BTC: variants seen among roughly 807,000 people sequenced by gnomAD.
The protein encoded by BTC is probetacellulin.
In BTC, 13 loss-of-function variants were observed where a neutral mutation model predicts 18.1. That is an observed-to-expected ratio of 0.72 (90% confidence interval 0.47 to 1.14). The LOEUF (loss-of-function observed/expected upper bound fraction) is 1.14. Ranked by LOEUF, BTC falls within the 50% of genes most tolerant of loss-of-function variation. BTC has a pLI of 0.00. For synonymous variants in BTC, 83 were observed against 79.4 expected (o/e 1.05, Z -0.24); for missense variants, 247 against 224.2 (o/e 1.10, Z -0.65).
intron 1 of BTC, among the ~76,000 whole-genome samples, chr4:74,771,950 T>A (rs1175360998): frequency 6.6e-6 from 1 of 152,206 alleles, no homozygotes; most frequent in Non-Finnish European, 1.5e-5. Context: ...AATGAATTCA[T>A]GCAATAAAAT....
At position 74,792,517 on chromosome 4, in the gene BTC, A is replaced by G. The variant is rs147466757; in HGVS notation, c.64+1745T>C. ...TATACTGCACCTCACTGACAGATTTATCACCTTTAAACCATTGTTTGCATC... is the reference window on the plus strand; with the variant it reads ...TATACTGCACCTCACTGACAGATTTGTCACCTTTAAACCATTGTTTGCATC... On this transcript the variant is annotated intron_variant, in intron 1 of 5. Coordinates refer to ENST00000395743, the MANE Select transcript of BTC (RefSeq NM_001729.4). Among the ~76,000 whole-genome samples the G allele has an allele frequency of 1.6e-4, 25 of 152,280 alleles. No individual in the cohort carries two copies. The East Asian group carries it at 4.8e-3, about 29-fold the overall frequency.
chr4:74,750,451 A>T, intron 4 of BTC, 122 bp downstream of exon 4: 1 of 1,048,344 alleles, frequency 9.5e-7, no homozygotes, highest in Non-Finnish European at 1.4e-6. Context: ...CAAAGCTCAA[A>T]AAGTAAATTT....
rs1188923273 is a variant in BTC, at chr4:74,749,685, TTTG to T, written c.428+885_428+887del. The stretch of plus-strand genomic sequence containing the variant: ...ATACCACTTTAATAAGATAGTTTTT[TTTG>T]TTGTTGTTGTTGTTGTTGTTGTTTT... On this transcript the variant is annotated intron_variant, in intron 4 of 5. Coordinates refer to ENST00000395743, the MANE Select transcript of BTC (RefSeq NM_001729.4). Among the ~76,000 whole-genome samples, 60 of 124,988 alleles carry T rather than the reference TTTG, an allele frequency of 4.8e-4. 4 individuals are homozygous for T. The highest frequency in any genetic ancestry group is 1.9e-3 in the South Asian group (7 of 3,698). 82.0% of individuals were successfully genotyped at this position (124,988 alleles called of 152,430 possible).
intron 2 of BTC, among the ~76,000 whole-genome samples, chr4:74,767,180 TACACAC>T (rs56936798): frequency 1.4e-5 from 2 of 147,508 alleles, no homozygotes; most frequent in Non-Finnish European, 3.0e-5. Context: ...TTCTAAAGAC[TACACAC>T]ACACACACAC....
At chr4:74,772,995 C>T (rs1037788708) in intron 1 of BTC, among the ~76,000 whole-genome samples, 9 of 152,136 alleles carry the variant, frequency 5.9e-5, no homozygotes, top group Non-Finnish European at 1.2e-4. Context: ...AGTTTGCTGT[C>T]CTCACAGGTG....
intron 1 of BTC, among the ~76,000 whole-genome samples, chr4:74,793,030 T>C (rs1725675585): frequency 6.6e-6 from 1 of 152,184 alleles, no homozygotes; most frequent in African/African-American, 2.4e-5. Context: ...ACTTTGACTG[T>C]TGGATAGTTT....
chr4:74,763,675 A>G (rs1724823590), intron 2 of BTC, among the ~76,000 whole-genome samples: 1 of 152,158 alleles, frequency 6.6e-6, no homozygotes, highest in African/African-American at 2.4e-5. Context: ...ATCAGGGATT[A>G]ATAAATTTCA....
intron 1 of BTC, among the ~76,000 whole-genome samples, chr4:74,774,182 T>C (rs1437800470): frequency 1.3e-5 from 2 of 152,248 alleles, no homozygotes; most frequent in African/African-American, 4.8e-5. Context: ...AATGTCAATA[T>C]TGATAATTTA....
intron 3 of BTC, among the ~76,000 whole-genome samples, chr4:74,753,665 G>A (rs1724521268): frequency 6.6e-6 from 1 of 152,132 alleles, no homozygotes; most frequent in Non-Finnish European, 1.5e-5. Context: ...TGGCAAGAGA[G>A]TTTTGCCTGA....
chr4:74,772,927 T>C (rs1725081962), intron 1 of BTC, among the ~76,000 whole-genome samples: 2 of 152,194 alleles, frequency 1.3e-5, no homozygotes, highest in African/African-American at 4.8e-5. Context: ...CTGGGGGCTA[T>C]GGCCCAGGCT....
chr4:74,789,043 C>T (rs1379875503), intron 1 of BTC, among the ~76,000 whole-genome samples: 4 of 152,222 alleles, frequency 2.6e-5, no homozygotes, highest in Non-Finnish European at 5.9e-5. Flanking sequence ...GTGATACACT[C>T]TGAGAAGCTA....
intron 1 of BTC, among the ~76,000 whole-genome samples, chr4:74,788,862 A>C (rs1725549164): frequency 6.6e-6 from 1 of 152,240 alleles, no homozygotes; most frequent in Non-Finnish European, 1.5e-5. Flanking sequence ...GCTGTGTATC[A>C]AAAGTAAGTC....
intron 1 of BTC, among the ~76,000 whole-genome samples, chr4:74,778,598 T>C (rs1465933015): frequency 1.3e-5 from 2 of 152,080 alleles, no homozygotes; most frequent in Non-Finnish European, 2.9e-5. Context: ...AATTCATACC[T>C]TGAAGCAGTC....
chr4:74,768,815 T>C (rs1724965902), intron 2 of BTC, among the ~76,000 whole-genome samples: 1 of 152,188 alleles, frequency 6.6e-6, no homozygotes, highest in Admixed American at 6.5e-5. Context: ...ACATTGTCTG[T>C]CATCAAATTA....
chr4:74,769,246 C>T (rs2109899039), intron 2 of BTC, among the ~76,000 whole-genome samples: 1 of 152,108 alleles, frequency 6.6e-6, no homozygotes, highest in Admixed American at 6.6e-5. Flanking sequence ...TTTTTTAAGT[C>T]AGAAATAACC....
At chr4:74,782,456 T>C (rs1338536146) in intron 1 of BTC, among the ~76,000 whole-genome samples, 1 of 152,236 alleles carries the variant, frequency 6.6e-6, no homozygotes, top group Non-Finnish European at 1.5e-5. Flanking sequence ...GGTTGCATAG[T>C]ATTCCGTGTT....
intron 2 of BTC, among the ~76,000 whole-genome samples, chr4:74,760,027 G>A (rs1724707895): frequency 6.6e-6 from 1 of 152,230 alleles, no homozygotes; most frequent in Admixed American, 6.5e-5. Context: ...TCCGTTAGGT[G>A]TATCTTTCAT....
At chr4:74,769,092 C>G (rs1724974484) in intron 2 of BTC, among the ~76,000 whole-genome samples, 2 of 152,110 alleles carry the variant, frequency 1.3e-5, no homozygotes, top group Admixed American at 6.6e-5. Flanking sequence ...GTTCCTGGCT[C>G]TGTTACAACT....
At chr4:74,789,659 G>A (rs1725569929) in intron 1 of BTC, among the ~76,000 whole-genome samples, 1 of 152,020 alleles carries the variant, frequency 6.6e-6, no homozygotes, top group Non-Finnish European at 1.5e-5. Flanking sequence ...AAATTATTTT[G>A]TCCTAAGAAA....
Sources: gnomAD v4.1 joint callset for allele counts (sites outside exome capture counted in the v4.1 genomes callset) on GRCh38, gnomAD v4.1.1 for gene constraint, MANE v1.5 for transcripts, NCBI Gene and HGNC (gene_info 2026-07-23, HGNC 2026-07-21) for gene names.